Variants in CCDC175 observed in about 807,000 individuals in gnomAD.
CCDC175 encodes coiled-coil domain containing 175.
In CCDC175, 100 loss-of-function variants were observed where a neutral mutation model predicts 114.6. The observed-to-expected ratio is 0.87, with a 90% CI of 0.74 to 1.03. CCDC175 has a LOEUF of 1.03. CCDC175 is among the 50% of genes least tolerant of loss of function. The pLI, the probability that CCDC175 is intolerant of heterozygous loss-of-function variation, is 0.00. For missense variants in CCDC175, 880 were observed against 917.8 expected, an observed-to-expected ratio of 0.96 and a Z score of 0.53; for synonymous variants, 306 against 308.7, an observed-to-expected ratio of 0.99 and a Z score of 0.09.
chr14:59,535,005 A>G (rs1894309807), intron 13 of CCDC175, among the ~76,000 whole-genome samples: 1 of 152,118 alleles, frequency 6.6e-6, no homozygotes, highest in Non-Finnish European at 1.5e-5. Flanking sequence ...GGGGAGAAAA[A>G]TGGTTCCACC....
chr14:59,552,463 T>C (rs1895578770), intron 7 of CCDC175, among the ~76,000 whole-genome samples: 1 of 152,170 alleles, frequency 6.6e-6, no homozygotes, highest in Non-Finnish European at 1.5e-5. Context: ...CAAAACCCCA[T>C]CTGTACATCA....
intron 3 of CCDC175, among the ~76,000 whole-genome samples, chr14:59,569,480 G>T (rs1297570228): frequency 6.6e-6 from 1 of 152,144 alleles, no homozygotes; most frequent in African/African-American, 2.4e-5. Flanking sequence ...AATTTGCATG[G>T]TTAAGCATTT....
At chr14:59,537,890 G>T in intron 13 of CCDC175, 133 bp downstream of exon 13, 1 of 572,266 alleles carries the variant, frequency 1.7e-6, no homozygotes, top group South Asian at 3.2e-5. Context: ...GAAAGATCCA[G>T]AATGAAATTG....
In CCDC175 at chr14:59,568,307, C is replaced by A. The variant is rs1031959049; in HGVS notation, c.429G>T (p.Glu143Asp). 3 of 1,534,040 alleles carry A rather than the reference C, an allele frequency of 2.0e-6. No homozygotes were observed. Among genetic ancestry groups the A allele is most frequent in the Non-Finnish European group, 2.6e-6 (3 of 1,145,696 alleles). ...NTIKMRITRT[E>D]NEIELLKKKI... ...TCTTCTTCAGAAGCTCTATTTCATTCTCTGTCCTTGTAATTCTCATTTTTA... is the reference window on the plus strand; with the variant it reads ...TCTTCTTCAGAAGCTCTATTTCATTATCTGTCCTTGTAATTCTCATTTTTA... Residue 143 changes from glutamate to aspartate, a missense_variant, in exon 4 of 20, where the codon GAG becomes GAT. Physicochemically the swap from Glu to Asp is conservative, Grantham distance 45 (BLOSUM62 2). Coordinates refer to ENST00000537690, the MANE Select transcript of CCDC175 (RefSeq NM_001164399.2).
At chr14:59,567,799 T>G (rs1386395993) in intron 4 of CCDC175, among the ~76,000 whole-genome samples, 1 of 152,196 alleles carries the variant, frequency 6.6e-6, no homozygotes, top group Non-Finnish European at 1.5e-5. Flanking sequence ...ACTAAATATC[T>G]TCAATGAACT....
chr14:59,531,841 G>C lies in CCDC175; in HGVS notation c.1693C>G (p.Leu565Val). 1 of 1,444,726 alleles carries C rather than the reference G, an allele frequency of 6.9e-7. No individual in the cohort carries two copies. Among genetic ancestry groups the C allele is most frequent in the South Asian group, 1.2e-5 (1 of 80,466 alleles). The allele number at this position is 1,444,726 out of a possible 1,614,324, so 89.5% of individuals were successfully genotyped here. Residue 565 changes from leucine (L) to valine (V), a missense_variant, in exon 14 of 20, where the codon CTT (leucine) becomes GTT (valine). Physicochemically the swap from Leu to Val is conservative, Grantham distance 32. Coordinates refer to ENST00000537690, the MANE Select transcript of CCDC175 (RefSeq NM_001164399.2). ...TTATACTCTTGTTCTGCCACCTGAA[G>C]TTGTGGAAGATACTCAACTAGTTCT... ...EEELVEYLPQ[L>V]QVAEQEYKEK...
At chr14:59,562,740 G>A (rs555725763) in intron 6 of CCDC175, among the ~76,000 whole-genome samples, 6 of 152,278 alleles carry the variant, frequency 3.9e-5, no homozygotes, top group Admixed American at 1.3e-4. Flanking sequence ...TGGTGCACTC[G>A]ATTTATGATT....
At chr14:59,556,444 T>G (rs1895908061) in intron 7 of CCDC175, among the ~76,000 whole-genome samples, 1 of 152,330 alleles carries the variant, frequency 6.6e-6, no homozygotes, top group African/African-American at 2.4e-5. Context: ...TCTTTACAAC[T>G]TATACAAAAA....
intron 19 of CCDC175, among the ~76,000 whole-genome samples, chr14:59,508,932 C>A (rs1477876380): frequency 6.6e-6 from 1 of 152,126 alleles, no homozygotes; most frequent in African/African-American, 2.4e-5. Flanking sequence ...GTAGCCCGAA[C>A]GAACTAAGAC....
chr14:59,515,452 A>G (rs1002232900), intron 17 of CCDC175, among the ~76,000 whole-genome samples: 5 of 152,244 alleles, frequency 3.3e-5, no homozygotes, highest in African/African-American at 1.2e-4. Flanking sequence ...TATAGGCTCA[A>G]AATAAAGGGA....
intron 16 of CCDC175, among the ~76,000 whole-genome samples, chr14:59,523,335 A>T (rs1044865248): frequency 5.3e-5 from 8 of 152,122 alleles, no homozygotes; most frequent in African/African-American, 9.7e-5. Flanking sequence ...TTTAGTTTAT[A>T]AAAAAACCCA....
At chr14:59,522,002 G>A (rs1179995473) in intron 16 of CCDC175, among the ~76,000 whole-genome samples, 1 of 152,260 alleles carries the variant, frequency 6.6e-6, no homozygotes, top group Non-Finnish European at 1.5e-5. Context: ...TGCAAAATGT[G>A]TGTACAGTAG....
At chr14:59,567,219 A>G (rs1391456371) in intron 4 of CCDC175, among the ~76,000 whole-genome samples, 2 of 152,204 alleles carry the variant, frequency 1.3e-5, no homozygotes, top group African/African-American at 4.8e-5. Flanking sequence ...GCTAGCACGC[A>G]CCACACACAA....
At position 59,525,360 on chromosome 14, in the gene CCDC175, T is replaced by C; in HGVS notation, c.1917A>G (p.Leu639=). Reference sequence around the variant, plus strand: ...TATAGAATCCATTTTCTAAGTTCTTTAGAGTTTCAAAATGATCTTTGTTTT... The same window carrying C: ...TATAGAATCCATTTTCTAAGTTCTTCAGAGTTTCAAAATGATCTTTGTTTT... ...SKKNKDHFET[L]KNLENGFYIN... Residue 639 remains leucine (L), a synonymous_variant, in exon 16 of 20, where the codon CTA becomes CTG. Transcript: ENST00000537690. 1.3e-6 allele frequency: 2 copies of C among 1,518,550 alleles called. No individual in the cohort carries two copies. Among genetic ancestry groups the C allele is most frequent in the African/African-American group, 2.8e-5 (2 of 71,632 alleles). The allele number at this position is 1,518,550 out of a possible 1,614,324, so 94.1% of individuals were successfully genotyped here.
chr14:59,540,881 A>G (rs1894743779), intron 10 of CCDC175, 135 bp from the exon 11 acceptor site: 2 of 751,684 alleles, frequency 2.7e-6, no homozygotes, highest in Non-Finnish European at 4.2e-6. Flanking sequence ...TGAAACAACT[A>G]AACATTTCAG....
chr14:59,522,816 G>C (rs1013079479), intron 16 of CCDC175, among the ~76,000 whole-genome samples: 4 of 152,224 alleles, frequency 2.6e-5, no homozygotes, highest in Admixed American at 2.6e-4. Context: ...GTCTTGTTCA[G>C]ATTGTTGCAC....
intron 6 of CCDC175, among the ~76,000 whole-genome samples, chr14:59,562,330 C>A (rs1179420186): frequency 6.6e-6 from 1 of 152,058 alleles, no homozygotes; most frequent in Non-Finnish European, 1.5e-5. Flanking sequence ...ATCTGAAATT[C>A]CTTGTGGTCT....
chr14:59,534,799 C>T (rs1452682317), intron 13 of CCDC175, among the ~76,000 whole-genome samples: 1 of 152,188 alleles, frequency 6.6e-6, no homozygotes, highest in Non-Finnish European at 1.5e-5. Context: ...CACAGCACTG[C>T]CCTGTCGACA....
intron 3 of CCDC175, among the ~76,000 whole-genome samples, 153 bp from the exon 4 acceptor site, chr14:59,568,533 T>G (rs2140123679): frequency 6.6e-6 from 1 of 152,314 alleles, no homozygotes; most frequent in East Asian, 1.9e-4. Flanking sequence ...CAATCTTACC[T>G]ACTAATTATT....
Sources: allele counts gnomAD v4.1 joint callset (sites outside exome capture counted in the v4.1 genomes callset), GRCh38; gene constraint gnomAD v4.1.1; transcripts MANE v1.5; gene names NCBI Gene and HGNC (gene_info 2026-07-23, HGNC 2026-07-21).